The following GLI3 variants were observed in gnomAD, a reference collection of about 807,000 sequenced individuals.
The protein encoded by GLI3 is GLI family zinc finger 3, also known as transcription activator GLI3.
GLI3 carries 20 observed loss-of-function variants against 100.8 expected under a neutral mutation model. The observed-to-expected ratio is 0.20, with a 90% confidence interval of 0.14 to 0.29. The LOEUF (loss-of-function observed/expected upper bound fraction) is 0.29. GLI3 is among the 10% of genes least tolerant of loss of function. The pLI, the probability that GLI3 is intolerant of heterozygous loss-of-function variation, is 1.00. For synonymous variants in GLI3, 938 were observed against 860.5 expected (o/e 1.09, Z -1.58); for missense variants, 2,040 against 2,128.5 (o/e 0.96, Z 0.82).
intron 3 of GLI3, among the ~76,000 whole-genome samples, chr7:42,137,992 A>G (rs1465001052): frequency 6.6e-6 from 1 of 152,182 alleles, no homozygotes; most frequent in Non-Finnish European, 1.5e-5. Context: ...ATTTCAGATA[A>G]GGGGTACTCA....
chr7:42,190,056 A>C (rs187289456), intron 2 of GLI3, among the ~76,000 whole-genome samples: 24 of 152,110 alleles, frequency 1.6e-4, no homozygotes, highest in Admixed American at 1.4e-3. Context: ...GAAAATGTTT[A>C]AAGGTATTAA....
chr7:42,088,120 C>A (rs1281468652), intron 3 of GLI3, among the ~76,000 whole-genome samples: 2 of 152,300 alleles, frequency 1.3e-5, no homozygotes, highest in Non-Finnish European at 2.9e-5. Context: ...TCTTCTATTT[C>A]TCCTTTCTCT....
intron 13 of GLI3, among the ~76,000 whole-genome samples, chr7:41,969,541 G>A (rs548755069): frequency 6.6e-5 from 10 of 152,304 alleles, no homozygotes; most frequent in African/African-American, 1.9e-4. Context: ...AAATTTGATC[G>A]TGAGTATGTG....
At position 41,965,309 on chromosome 7, in the gene GLI3, C is replaced by T. The variant is rs760922857; in HGVS notation, c.3764G>A (p.Gly1255Glu). ...HEQPCKAPQYGNCLNRQPVAP... is the reference protein window; with the variant it reads ...HEQPCKAPQYENCLNRQPVAP... ...CACTGGCTGCCTGTTGAGACAGTTC[C>T]CATACTGCGGGGCCTTACAGGGCTG... Residue 1255 changes from glycine to glutamate, a missense_variant, in exon 15 of 15, where the codon GGG becomes GAG. Physicochemically the swap from Gly to Glu is moderately conservative, Grantham distance 98. Transcript: ENST00000395925. The T allele has an allele frequency of 2.0e-5, 32 of 1,613,878 alleles. No homozygotes were observed. The highest frequency in any genetic ancestry group is 2.6e-5 in the Non-Finnish European group (31 of 1,179,942).
intron 12 of GLI3, among the ~76,000 whole-genome samples, chr7:41,973,311 A>G (rs1787415655): frequency 6.6e-6 from 1 of 152,244 alleles, no homozygotes; most frequent in Admixed American, 6.5e-5. Flanking sequence ...TCCTCATCAT[A>G]AACTGCAGAG....
intron 2 of GLI3, among the ~76,000 whole-genome samples, chr7:42,216,572 T>C (rs972815531): frequency 7.9e-5 from 12 of 152,216 alleles, no homozygotes; most frequent in Non-Finnish European, 1.3e-4. Context: ...GAGGGGAAAG[T>C]ATGTATGACG....
At chr7:42,222,951 A>G in intron 2 of GLI3, 179 bp downstream of exon 2, 1 of 697,814 alleles carries the variant, frequency 1.4e-6, no homozygotes, top group Admixed American at 2.1e-5. Context: ...GTTGAGTGCC[A>G]AAATAGAGAT....
intron 4 of GLI3, among the ~76,000 whole-genome samples, chr7:42,063,827 C>G (rs550240970): frequency 3.0e-4 from 46 of 152,276 alleles, no homozygotes; most frequent in African/African-American, 8.7e-4. Flanking sequence ...AGTAATCTGA[C>G]AGTAAGTATC....
intron 10 of GLI3, among the ~76,000 whole-genome samples, chr7:41,998,978 T>C (rs1788208600): frequency 6.6e-6 from 1 of 152,192 alleles, no homozygotes; most frequent in African/African-American, 2.4e-5. Context: ...GCACTGAGAT[T>C]TTGTTCAAAT....
At chr7:42,074,861 C>G (rs772068525) in intron 4 of GLI3, among the ~76,000 whole-genome samples, 1 of 152,184 alleles carries the variant, frequency 6.6e-6, no homozygotes, top group African/African-American at 2.4e-5. Flanking sequence ...TACATTTAGG[C>G]TGCTAGAGAA....
intron 3 of GLI3, among the ~76,000 whole-genome samples, chr7:42,144,783 G>C (rs1234476264): frequency 1.3e-5 from 2 of 152,198 alleles, no homozygotes; most frequent in African/African-American, 4.8e-5. Context: ...GCATCTTGGA[G>C]AGTCTACAAT....
At chr7:42,182,658 A>ATATATATACATGTG (rs552891698) in intron 2 of GLI3, among the ~76,000 whole-genome samples, 3 of 56,022 alleles carry the variant, frequency 5.4e-5, no homozygotes, top group East Asian at 2.9e-4. Context: ...ATATATATAT[A>ATATATATACATGTG]TATATATATA....
At chr7:42,002,955 G>C (rs1281296354) in intron 10 of GLI3, among the ~76,000 whole-genome samples, 2 of 152,164 alleles carry the variant, frequency 1.3e-5, no homozygotes, top group Non-Finnish European at 2.9e-5. Context: ...CATGTAACAC[G>C]TGGTGACAAA....
At chr7:42,032,164 T>C (rs1789314151) in intron 7 of GLI3, among the ~76,000 whole-genome samples, 1 of 152,128 alleles carries the variant, frequency 6.6e-6, no homozygotes, top group African/African-American at 2.4e-5. Flanking sequence ...TCCTAAAGTC[T>C]ACACACTGCA....
intron 2 of GLI3, among the ~76,000 whole-genome samples, chr7:42,153,340 C>T (rs1786921519): frequency 6.6e-6 from 1 of 152,138 alleles, no homozygotes; most frequent in Non-Finnish European, 1.5e-5. Flanking sequence ...CCTTAACCGG[C>T]CTGCACTCTG....
At chr7:42,218,075 A>G (rs1368075596) in intron 2 of GLI3, among the ~76,000 whole-genome samples, 2 of 152,214 alleles carry the variant, frequency 1.3e-5, no homozygotes, top group African/African-American at 4.8e-5. Flanking sequence ...TTCAGATCCC[A>G]GAACCTGTGT....
chr7:42,068,522 A>C (rs1026899388), intron 4 of GLI3, among the ~76,000 whole-genome samples: 2 of 152,186 alleles, frequency 1.3e-5, no homozygotes, highest in African/African-American at 4.8e-5. Context: ...AAGATCCAAA[A>C]TCTGGCTAAT....
At chr7:42,208,044 A>G (rs1471084364) in intron 2 of GLI3, among the ~76,000 whole-genome samples, 1 of 152,174 alleles carries the variant, frequency 6.6e-6, no homozygotes, top group East Asian at 1.9e-4. Flanking sequence ...CTCTAGTCTC[A>G]GATACTCAGG....
intron 4 of GLI3, among the ~76,000 whole-genome samples, chr7:42,071,999 C>T (rs1214607003): frequency 2.0e-5 from 3 of 152,094 alleles, no homozygotes; most frequent in East Asian, 3.9e-4. Flanking sequence ...AAAGGGCTGA[C>T]GTACAGAACA....
Sources: allele counts gnomAD v4.1 joint callset (sites outside exome capture counted in the v4.1 genomes callset), GRCh38; gene constraint gnomAD v4.1.1; transcripts MANE v1.5; gene names NCBI Gene and HGNC (gene_info 2026-07-23, HGNC 2026-07-21).